RPF1: variants seen among roughly 807,000 people sequenced by gnomAD.
RPF1 encodes ribosome production factor 1.
Under a neutral mutation model 41.9 loss-of-function variants are expected in RPF1, and 34 were observed. The ratio of observed to expected loss-of-function variants is 0.81; its 90% CI spans 0.62 to 1.08. The LOEUF (loss-of-function observed/expected upper bound fraction) is 1.08. Ranked by LOEUF, RPF1 falls within the 50% of genes least tolerant of loss-of-function variation. The pLI, the probability that RPF1 is intolerant of heterozygous loss-of-function variation, is 0.00. For synonymous variants in RPF1, 140 were observed against 148.9 expected, an observed-to-expected ratio of 0.94 and a Z score of 0.43; for missense variants, 425 against 435.2, an observed-to-expected ratio of 0.98 and a Z score of 0.21.
chr1:84,480,353 A>C (rs565331788), intron 1 of RPF1, among the ~76,000 whole-genome samples: 1 of 152,168 alleles, frequency 6.6e-6, no homozygotes, highest in Admixed American at 6.5e-5. Flanking sequence ...GGTGCTGGGG[A>C]AAAAAGAATA....
At chr1:84,493,331 TC>T (rs1289793192) in intron 5 of RPF1, among the ~76,000 whole-genome samples, 16 of 99,194 alleles carry the variant, frequency 1.6e-4, no homozygotes, top group Admixed American at 1.1e-3. Context: ...GGCACTACTA[TC>T]AAAAAAAAAA....
At chr1:84,494,355 A>G (rs965035005) in intron 5 of RPF1, among the ~76,000 whole-genome samples, 13 of 152,344 alleles carry the variant, frequency 8.5e-5, no homozygotes, top group African/African-American at 2.4e-4. Context: ...TGTTGATGCC[A>G]TTGTAAAAAG....
intron 5 of RPF1, among the ~76,000 whole-genome samples, chr1:84,494,485 G>A (rs1369544370): frequency 6.6e-6 from 1 of 152,152 alleles, no homozygotes; most frequent in African/African-American, 2.4e-5. Context: ...TCCTAAACTA[G>A]AAAAGCATAA....
At chr1:84,495,608 C>A (rs372955598) in intron 6 of RPF1, among the ~76,000 whole-genome samples, 153 bp downstream of exon 6, 1 of 152,164 alleles carries the variant, frequency 6.6e-6, no homozygotes, top group African/African-American at 2.4e-5. Flanking sequence ...TCTTGGGAGA[C>A]TGTGGTTAAG....
rs78968367 is a variant in RPF1, at chr1:84,496,393, G to A, written c.1008+23G>A. 1.1e-5 allele frequency: 17 copies of A among 1,569,464 alleles called. No individual in the cohort carries two copies. The East Asian group carries it at 3.8e-4, about 35-fold the overall frequency. On this transcript the variant is annotated intron_variant, in intron 8 of 8. Transcript: ENST00000370654. ...AAGGTATGTGCTTATTGTTTAAAAA[G>A]ACTAAGTCATTTTTAAAGTATGGGA...
chr1:84,486,800 T>G (rs961923461), intron 3 of RPF1, among the ~76,000 whole-genome samples: 3 of 151,996 alleles, frequency 2.0e-5, no homozygotes, highest in African/African-American at 2.4e-5. Context: ...ATTCTAAATA[T>G]TTTTTCCCCT....
chr1:84,490,524 T>C (rs1681816030), intron 5 of RPF1, 52 bp downstream of exon 5: 2 of 1,238,060 alleles, frequency 1.6e-6, no homozygotes, highest in Non-Finnish European at 2.2e-6. Context: ...TCACCCCCCT[T>C]AAAAATATAT....
chr1:84,483,705 T>G (rs563276582), intron 3 of RPF1, among the ~76,000 whole-genome samples: 1 of 152,358 alleles, frequency 6.6e-6, no homozygotes, highest in Non-Finnish European at 1.5e-5. Flanking sequence ...ACTTTGCATA[T>G]TCTCCTTAGA....
chr1:84,489,236 C>CTT (rs1391834776), intron 3 of RPF1, among the ~76,000 whole-genome samples: 1 of 152,046 alleles, frequency 6.6e-6, no homozygotes, highest in Non-Finnish European at 1.5e-5. Context: ...ATGTTTAAAT[C>CTT]TGAGTGTCTC....
chr1:84,497,023 C>T (rs550122055), intron 8 of RPF1, among the ~76,000 whole-genome samples: 2 of 152,012 alleles, frequency 1.3e-5, no homozygotes, highest in South Asian at 2.1e-4. Flanking sequence ...AAGTGTGCAC[C>T]ACCACACCGG....
intron 8 of RPF1, among the ~76,000 whole-genome samples, 157 bp from the exon 9 acceptor site, chr1:84,497,272 C>G (rs576184563): frequency 6.6e-6 from 1 of 151,596 alleles, no homozygotes; most frequent in African/African-American, 2.4e-5. Context: ...TATATTAGAC[C>G]GAAGACTGAC....
Position 84,479,463 on chromosome 1 carries a change from A to G in RPF1, c.182A>G (p.Gln61Arg), listed in dbSNP as rs543914256. Reference protein sequence around the residue: ...GFSISEIKNKQRRHLMFTRWK... With the variant: ...GFSISEIKNKRRRHLMFTRWK... The stretch of plus-strand genomic sequence containing the variant: ...AGCATTTCGGAGATTAAAAACAAAC[A>G]GCGGCGACACTTAATGTTCACGCGG... Residue 61 changes from glutamine (Q) to arginine (R), a missense_variant, in exon 1 of 9, where the codon CAG becomes CGG. Coordinates refer to ENST00000370654, the MANE Select transcript of RPF1 (RefSeq NM_025065.7). The G allele has an allele frequency of 6.2e-7, 1 of 1,614,230 alleles. No individual in the cohort carries two copies. Among genetic ancestry groups the G allele is most frequent in the South Asian group, 1.1e-5 (1 of 91,092 alleles).
chr1:84,495,030 G>C (rs1251726883), intron 5 of RPF1, among the ~76,000 whole-genome samples: 1 of 152,074 alleles, frequency 6.6e-6, no homozygotes, highest in African/African-American at 2.4e-5. Context: ...CATGATTATA[G>C]AATCACATCC....
At chr1:84,480,001 A>G (rs17110113) in intron 1 of RPF1, among the ~76,000 whole-genome samples, 3,072 of 152,304 alleles carry the variant, frequency 0.02, 52 homozygotes, top group African/African-American at 0.047. Flanking sequence ...TTATCCTTAT[A>G]CGTTTCTGGT....
At position 84,480,936 on chromosome 1, in the gene RPF1, CT is replaced by C. The variant is rs34688892; in HGVS notation, c.229-11del. The C allele has an allele frequency of 7.9e-4, 1,072 of 1,362,626 alleles. No homozygotes were observed. The highest frequency in any genetic ancestry group is 1.1e-3 in the Admixed American group (62 of 55,090). The allele number at this position is 1,362,626 out of a possible 1,614,324, so 84.4% of individuals were successfully genotyped here. A position where few individuals can be genotyped will look rare whatever the true frequency, so the allele number is the denominator to read the frequency against. On this transcript the variant is annotated intron_variant, in intron 1 of 8. Coordinates refer to ENST00000370654, the MANE Select transcript of RPF1 (RefSeq NM_025065.7). The stretch of plus-strand genomic sequence containing the variant: ...ACTGGTTGTTTCTCAGTATTGTTCT[CT>C]TTTTTTTTAACCCTTTAGGAAAAGT...
chr1:84,484,798 G>A lies in RPF1; in HGVS notation c.366+1803G>A, dbSNP rs147238987. Among the ~76,000 whole-genome samples the A allele has an allele frequency of 2.5e-3, 374 of 150,924 alleles. 1 individual carries two copies. The highest frequency in any genetic ancestry group is 3.4e-3 in the Middle Eastern group (1 of 294). The stretch of plus-strand genomic sequence containing the variant: ...CCTCCCAGGTTCAAGCGATTCTCCT[G>A]CCTCAGCCTCCCAAGTAGCTAGGAT... On this transcript the variant is annotated intron_variant, in intron 3 of 8. Coordinates refer to ENST00000370654, the MANE Select transcript of RPF1 (RefSeq NM_025065.7).
rs770527428 is a variant in RPF1 at position 84,480,991 on chromosome 1, AAGAG to A, written c.267_270del (p.Glu90LeufsTer26). On this transcript the variant is annotated frameshift_variant, in exon 2 of 9. Coordinates refer to ENST00000370654, the MANE Select transcript of RPF1 (RefSeq NM_025065.7). LOFTEE classifies it high-confidence loss of function. ...CAGCTAAGAAAAAACTTAAAAAAGA[AAGAG>A]AGGCTCTTGGCGATAAGGTAAATAA... 1 of 1,596,382 alleles carries A rather than the reference AAGAG, an allele frequency of 6.3e-7. No homozygotes were observed. Among genetic ancestry groups the A allele is most frequent in the Admixed American group, 1.7e-5 (1 of 59,272 alleles).
chr1:84,495,469 A>G lies in RPF1; in HGVS notation c.699+14A>G. 9.4e-7 allele frequency: 1 copy of G among 1,069,418 alleles called. No homozygotes were observed. The highest frequency in any genetic ancestry group is 1.4e-5 in the South Asian group (1 of 73,374). 66.2% of individuals were successfully genotyped at this position (1,069,418 alleles called of 1,614,324 possible). A position where few individuals can be genotyped will look rare whatever the true frequency, so the allele number is the denominator to read the frequency against. ...AAAGAAATTAAGGTAAGTTTTATAC[A>G]TTTCTTTGATTGGCATTGATCTCTT... On this transcript the variant is annotated intron_variant, in intron 6 of 8. Transcript: ENST00000370654.
intron 5 of RPF1, among the ~76,000 whole-genome samples, chr1:84,490,874 A>G (rs1681822445): frequency 1.3e-5 from 2 of 152,206 alleles, no homozygotes; most frequent in Non-Finnish European, 2.9e-5. Context: ...ATAGAAAGAG[A>G]TGCTGAAGCT....
Sources: allele counts gnomAD v4.1 joint callset (sites outside exome capture counted in the v4.1 genomes callset), GRCh38; gene constraint gnomAD v4.1.1; transcripts MANE v1.5; gene names NCBI Gene and HGNC (gene_info 2026-07-23, HGNC 2026-07-21).